CFAP46: variants seen among roughly 807,000 people sequenced by gnomAD.
CFAP46 encodes the protein cilia- and flagella-associated protein 46.
A neutral mutation model predicts 325.7 loss-of-function variants in CFAP46; 245 were observed. The observed-to-expected ratio is 0.75, with a 90% CI of 0.68 to 0.84. The LOEUF (loss-of-function observed/expected upper bound fraction) is 0.84. CFAP46 is among the 40% of genes least tolerant of loss of function. The pLI is 0.00. For missense variants in CFAP46, 3,346 were observed against 3,543.0 expected, an observed-to-expected ratio of 0.94 and a Z score of 1.41; for synonymous variants, 1,523 against 1,495.9, an observed-to-expected ratio of 1.02 and a Z score of -0.42.
intron 25 of CFAP46, among the ~76,000 whole-genome samples, chr10:132,891,938 C>T (rs1370922229): frequency 3.3e-5 from 5 of 152,206 alleles, no homozygotes; most frequent in African/African-American, 1.2e-4. Context: ...CCTGTAACTC[C>T]TGTTCCCCTA....
In CFAP46 at chr10:132,879,553, C is replaced by A. The variant is rs769921770; in HGVS notation, c.3878G>T (p.Arg1293Leu). ...CAGCGCCTCCAGCTGCCGCACGCTA[C>A]GCAGCTGCTCCAAGGACACCGCCTC... ...AEEAVSLEQL[R>L]SVRQLEALAR... Residue 1293 changes from arginine to leucine, a missense_variant, in exon 29 of 58, where the codon CGT becomes CTT. Transcript: ENST00000368586. The A allele has an allele frequency of 4.5e-6, 7 of 1,547,550 alleles. No individual in the cohort carries two copies. The South Asian group carries it at 7.2e-5, about 16-fold the overall frequency.
At position 132,885,086 on chromosome 10, in the gene CFAP46, C is replaced by G. The variant is rs764989992; in HGVS notation, c.3627+17G>C. 65 of 1,536,570 alleles carry G rather than the reference C, an allele frequency of 4.2e-5. No individual in the cohort carries two copies. The highest frequency in any genetic ancestry group is 5.1e-5 in the Non-Finnish European group (58 of 1,138,146). On this transcript the variant is annotated intron_variant, in intron 27 of 57. Coordinates refer to ENST00000368586, the MANE Select transcript of CFAP46 (RefSeq NM_001200049.3). ...GGACAAATTTTACCACGTGCACCCA[C>G]GCTTACGGCTTCACACCTGCAAGGC...
Position 132,834,776 on chromosome 10 carries a change from C to G in CFAP46, c.6745-1G>C, listed in dbSNP as rs1265207886. On this transcript the variant is annotated splice_acceptor_variant, in intron 47 of 57. Transcript: ENST00000368586. LOFTEE classifies it high-confidence loss of function. ...CTTCCACCTGCAGGCCTTCTGGTTC[C>G]TACCGCAATCCAAAAAAGAGGCCCC... The G allele has an allele frequency of 6.2e-7, 1 of 1,609,072 alleles. No individual in the cohort carries two copies. The highest frequency in any genetic ancestry group is 8.5e-7 in the Non-Finnish European group (1 of 1,177,184).
rs1348879869 is a variant in CFAP46, at chr10:132,824,539, CTG to C, written c.7117+8817_7117+8818del. ...GATGTGTGCTGTGTGCTGACGTGTG[CTG>C]TGTGTGCGCTGATGTGTGCTGTGTG... is the stretch of plus-strand genomic sequence containing the variant. On this transcript the variant is annotated intron_variant, in intron 50 of 57. Transcript: ENST00000368586. 2.2e-3 allele frequency among the ~76,000 whole-genome samples: 204 copies of C among 94,276 alleles called. 1 individual carries two copies. Among genetic ancestry groups the C allele is most frequent in the Non-Finnish European group, 3.1e-3 (157 of 50,018 alleles). 61.8% of individuals were successfully genotyped at this position (94,276 alleles called of 152,430 possible). A position where few individuals can be genotyped will look rare whatever the true frequency, so the allele number is the denominator to read the frequency against.
At position 132,870,815 on chromosome 10, in the gene CFAP46, G is replaced by A. The variant is rs12258980; in HGVS notation, c.4512-1443C>T. Among the ~76,000 whole-genome samples, 1,211 of 152,252 alleles carry A rather than the reference G, an allele frequency of 8.0e-3. 15 individuals are homozygous for A. Among genetic ancestry groups the A allele is most frequent in the African/African-American group, 0.026 (1,095 of 41,516 alleles). On this transcript the variant is annotated intron_variant, in intron 32 of 57. Transcript: ENST00000368586. ...ATGGAGAAGCTGAAGCCAGTTAGCC[G>A]GAAGATCCAGCTAATAAGAGCATGG...
rs116834359 is a variant in CFAP46 at position 132,827,042 on chromosome 10, G to A, written c.7117+6316C>T. On this transcript the variant is annotated intron_variant, in intron 50 of 57. Transcript: ENST00000368586. The surrounding 1 kb of genome is among the most constrained non-coding windows in gnomAD (Gnocchi z 5.7). ...CACTTCACTATCAAAAACGGTTTCC[G>A]ACACCTCCATGAGCCTCGTGTCTGT... 7.2e-3 allele frequency among the ~76,000 whole-genome samples: 1,099 copies of A among 152,132 alleles called. 15 individuals carry two copies. Among genetic ancestry groups the A allele is most frequent in the African/African-American group, 0.024 (981 of 41,494 alleles).
At chr10:132,857,425 A>G (rs1178025114) in intron 39 of CFAP46, among the ~76,000 whole-genome samples, 165 bp downstream of exon 39, 1 of 152,158 alleles carries the variant, frequency 6.6e-6, no homozygotes, top group Non-Finnish European at 1.5e-5. Context: ...TCTTTGTTTC[A>G]TACACTGTTT....
intron 50 of CFAP46, among the ~76,000 whole-genome samples, chr10:132,822,445 GTGATGTGTGCTGTGTGAGTGC>G (rs1228240291): frequency 1.2e-4 from 17 of 136,624 alleles, no homozygotes; most frequent in African/African-American, 4.1e-4. Flanking sequence ...TGTGTGTGCA[GTGATGTGTGCTGTGTGAGTGC>G]TGATGTGTGC....
intron 4 of CFAP46, among the ~76,000 whole-genome samples, 193 bp downstream of exon 4, chr10:132,940,803 T>G (rs1850086293): frequency 6.6e-6 from 1 of 152,178 alleles, no homozygotes; most frequent in African/African-American, 2.4e-5. Context: ...AAAGAGGCTG[T>G]TACTCGGAAT....
chr10:132,854,889 C>T (rs772593641), intron 39 of CFAP46, among the ~76,000 whole-genome samples: 8 of 150,496 alleles, frequency 5.3e-5, no homozygotes, highest in Non-Finnish European at 1.0e-4. Context: ...GGCACCAGTA[C>T]ATATTTTATA....
intron 50 of CFAP46, among the ~76,000 whole-genome samples, chr10:132,830,197 A>G (rs1247143161): frequency 6.6e-5 from 10 of 151,232 alleles, no homozygotes; most frequent in Admixed American, 3.9e-4. Context: ...AGGCTGGAGT[A>G]CAGTGGCATG....
intron 17 of CFAP46, among the ~76,000 whole-genome samples, chr10:132,914,095 CCCGAGGCTGTG>C (rs1849604846): frequency 1.7e-5 from 2 of 114,672 alleles, no homozygotes; most frequent in South Asian, 3.7e-4. Context: ...TGCACCCCGG[CCCGAGGCTGTG>C]TCCAGCCACA....
chr10:132,810,197 G>A (rs1847550530), intron 57 of CFAP46, among the ~76,000 whole-genome samples: 1 of 152,194 alleles, frequency 6.6e-6, no homozygotes, highest in Admixed American at 6.5e-5. Flanking sequence ...TCGCGCCACG[G>A]TGGGGGGCTG....
In CFAP46 at chr10:132,941,045, A is replaced by C. The variant is rs752297046; in HGVS notation, c.322T>G (p.Cys108Gly). 2 of 1,614,118 alleles carry C rather than the reference A, an allele frequency of 1.2e-6. No individual in the cohort carries two copies. Among genetic ancestry groups the C allele is most frequent in the South Asian group, 2.2e-5 (2 of 91,082 alleles). ...ATGGCCTTCATGTACTCAGTCACGC[A>C]ATTTTCAAATTCCTCCTAAGGCAAC... ...SAENLEEFEN[C>G]VTEYMKAINF... Residue 108 changes from cysteine to glycine, a missense_variant, in exon 4 of 58, where the codon TGC (cysteine) becomes GGC (glycine). Coordinates refer to ENST00000368586, the MANE Select transcript of CFAP46 (RefSeq NM_001200049.3).
chr10:132,826,740 C>G (rs916226508), intron 50 of CFAP46, among the ~76,000 whole-genome samples: 6 of 151,586 alleles, frequency 4.0e-5, no homozygotes, highest in Non-Finnish European at 5.9e-5. Flanking sequence ...CGGAGCCAGG[C>G]AGAAGCTGGA....
chr10:132,863,487 G>A (rs1035259430), intron 35 of CFAP46, among the ~76,000 whole-genome samples: 4 of 152,200 alleles, frequency 2.6e-5, no homozygotes, highest in East Asian at 1.9e-4. Context: ...GCACACACCC[G>A]TCTCTGCTAT....
intron 41 of CFAP46, among the ~76,000 whole-genome samples, chr10:132,849,111 A>G (rs1848491357): frequency 1.3e-5 from 2 of 152,196 alleles, no homozygotes; most frequent in Non-Finnish European, 2.9e-5. Flanking sequence ...TGCGCCCTCC[A>G]CACGGGACTT....
chr10:132,876,699 T>C lies in CFAP46; in HGVS notation c.4362+113A>G. On this transcript the variant is annotated intron_variant, in intron 31 of 57. Coordinates refer to ENST00000368586, the MANE Select transcript of CFAP46 (RefSeq NM_001200049.3). The surrounding 1 kb of genome is among the most constrained non-coding windows in gnomAD (Gnocchi z 4.1). ...GAGGCTGGGGGCTGATGGGACTCTG[T>C]CCTGTCCTCCTTTTTCTGGCTACAG... 1 of 1,162,456 alleles carries C rather than the reference T, an allele frequency of 8.6e-7. No individual in the cohort carries two copies. Among genetic ancestry groups the C allele is most frequent in the Non-Finnish European group, 1.2e-6 (1 of 835,792 alleles). The allele number at this position is 1,162,456 out of a possible 1,614,324, so 72.0% of individuals were successfully genotyped here.
Position 132,938,556 on chromosome 10 carries a change from G to C in CFAP46, c.536+33C>G, listed in dbSNP as rs1339160856. 1.9e-6 allele frequency: 3 copies of C among 1,602,756 alleles called. No individual in the cohort carries two copies. In the African/African-American group the frequency reaches 4.0e-5, roughly 22 times the overall value. On this transcript the variant is annotated intron_variant, in intron 5 of 57. Transcript: ENST00000368586. Reference sequence around the variant, plus strand: ...TCAGAGCCAGAGGGCGGCCCACCGGGAGGCCACAGAGGGCACGGCGAGCTC... The same window carrying C: ...TCAGAGCCAGAGGGCGGCCCACCGGCAGGCCACAGAGGGCACGGCGAGCTC...
Sources: allele counts gnomAD v4.1 joint callset (sites outside exome capture counted in the v4.1 genomes callset), GRCh38; gene constraint gnomAD v4.1.1; non-coding constraint Gnocchi (gnomAD v3.1); transcripts MANE v1.5; gene names NCBI Gene and HGNC (gene_info 2026-07-23, HGNC 2026-07-21).